Variants in RIMS4 observed in about 807,000 individuals in gnomAD.
RIMS4 encodes regulating synaptic membrane exocytosis protein 4.
In RIMS4, 9 loss-of-function variants were observed where a neutral mutation model predicts 29.0. The observed-to-expected ratio is 0.31, with a 90% CI of 0.19 to 0.54. The LOEUF (loss-of-function observed/expected upper bound fraction) is 0.54, where lower values mean the gene tolerates loss of function less well. RIMS4 is among the 20% of genes least tolerant of loss of function. The pLI, the probability that RIMS4 is intolerant of heterozygous loss-of-function variation, is 0.94. For missense variants in RIMS4, 193 were observed against 365.7 expected (o/e 0.53, Z 3.85); for synonymous variants, 130 against 152.9 (o/e 0.85, Z 1.10).
At position 44,756,559 on chromosome 20, in the gene RIMS4, T is replaced by A. The variant is rs1601015817; in HGVS notation, c.592-207A>T. Among the ~76,000 whole-genome samples the A allele has an allele frequency of 6.6e-6, 1 of 152,148 alleles. No individual in the cohort carries two copies. Among genetic ancestry groups the A allele is most frequent in the South Asian group, 2.1e-4 (1 of 4,828 alleles). On this transcript the variant is annotated intron_variant, in intron 5 of 5. Coordinates refer to ENST00000372851, the MANE Select transcript of RIMS4 (RefSeq NM_182970.4). The surrounding 1 kb of genome is among the most constrained non-coding windows in gnomAD (Gnocchi z 5.9). ...AGGCTGTTGATGGTAATGGTGACGG[T>A]GACGATGGTAATGGGTAGAACACTT...
intron 1 of RIMS4, among the ~76,000 whole-genome samples, chr20:44,776,869 G>C (rs1046465920): frequency 5.9e-5 from 9 of 152,166 alleles, no homozygotes; most frequent in Non-Finnish European, 1.0e-4. Flanking sequence ...AGAAAATGAG[G>C]ATCGAGAAGG....
Position 44,804,915 on chromosome 20 carries a change from T to C in RIMS4, c.97+5260A>G, listed in dbSNP as rs2066292100. Among the ~76,000 whole-genome samples the C allele has an allele frequency of 3.9e-5, 6 of 152,254 alleles. No homozygotes were observed. In the South Asian group the frequency reaches 1.0e-3, roughly 26 times the overall value. The stretch of plus-strand genomic sequence containing the variant: ...AGCACTGATTGCACCACAGCAGACC[T>C]GCAGACCAGTGATCTGTACAATGGG... On this transcript the variant is annotated intron_variant, in intron 1 of 5. Coordinates refer to ENST00000372851, the MANE Select transcript of RIMS4 (RefSeq NM_182970.4).
At chr20:44,781,189 C>T (rs2066182939) in intron 1 of RIMS4, among the ~76,000 whole-genome samples, 1 of 152,148 alleles carries the variant, frequency 6.6e-6, no homozygotes, top group African/African-American at 2.4e-5. Context: ...ATTGCCTATT[C>T]AGGGCCAGAT....
intron 2 of RIMS4, among the ~76,000 whole-genome samples, chr20:44,769,408 T>C (rs910018892): frequency 6.6e-6 from 1 of 152,140 alleles, no homozygotes; most frequent in African/African-American, 2.4e-5. Context: ...GGCTGACAGA[T>C]ATTTACTGGC....
intron 2 of RIMS4, among the ~76,000 whole-genome samples, chr20:44,760,026 A>G (rs976308434): frequency 6.6e-6 from 1 of 152,256 alleles, no homozygotes; most frequent in African/African-American, 2.4e-5. Flanking sequence ...GGTAGAGAGC[A>G]AGAGACTTGG....
intron 2 of RIMS4, among the ~76,000 whole-genome samples, chr20:44,760,110 C>T (rs961749743): frequency 6.6e-6 from 1 of 152,156 alleles, no homozygotes; most frequent in Non-Finnish European, 1.5e-5. Flanking sequence ...TATCCTGCCC[C>T]GAAACAGACA....
chr20:44,796,743 T>C (rs116308339), intron 1 of RIMS4, among the ~76,000 whole-genome samples: 1 of 152,132 alleles, frequency 6.6e-6, no homozygotes, highest in African/African-American at 2.4e-5. Context: ...AAGTGAGGCA[T>C]GGAGGGAGAA....
At chr20:44,805,374 A>G (rs905108462) in intron 1 of RIMS4, among the ~76,000 whole-genome samples, 6 of 152,174 alleles carry the variant, frequency 3.9e-5, no homozygotes, top group Non-Finnish European at 8.8e-5. Context: ...CTCTACTTGA[A>G]CTATGGGAAC....
At position 44,758,126 on chromosome 20, in the gene RIMS4, T is replaced by G. The variant is rs1037270843; in HGVS notation, c.295A>C (p.Ser99Arg). 2 of 1,613,834 alleles carry G rather than the reference T, an allele frequency of 1.2e-6. No individual in the cohort carries two copies. Among genetic ancestry groups the G allele is most frequent in the Admixed American group, 3.3e-5 (2 of 60,000 alleles). ...SDAQFSDFLG[S>R]MGPAQFVGRQ... The stretch of plus-strand genomic sequence containing the variant: ...CCCACAAACTGTGCCGGCCCCATGC[T>G]TCCCAGGAAGTCACTGAACTGGGCG... Residue 99 changes from serine to arginine, a missense_variant, in exon 3 of 6, where the codon AGC (serine) becomes CGC (arginine). Physicochemically the swap from Ser to Arg is moderately radical, Grantham distance 110 (BLOSUM62 -1). Transcript: ENST00000372851.
chr20:44,787,319 T>C lies in RIMS4; in HGVS notation c.98-15906A>G, dbSNP rs2066213164. Among the ~76,000 whole-genome samples the C allele has an allele frequency of 3.3e-5, 5 of 152,004 alleles. No individual in the cohort carries two copies. In the South Asian group the frequency reaches 1.0e-3, roughly 32 times the overall value. ...GAAGAGATGGTGGCGATGATGATAA[T>C]GACAATGACGATGTGATGATAAAAG... On this transcript the variant is annotated intron_variant, in intron 1 of 5. Coordinates refer to ENST00000372851, the MANE Select transcript of RIMS4 (RefSeq NM_182970.4).
chr20:44,808,152 T>TAC (rs2066307338), intron 1 of RIMS4, among the ~76,000 whole-genome samples: 2 of 150,676 alleles, frequency 1.3e-5, no homozygotes, highest in Admixed American at 6.6e-5. Flanking sequence ...CTCACACAAA[T>TAC]ACACACACAC....
chr20:44,781,936 C>T (rs1001073936), intron 1 of RIMS4, among the ~76,000 whole-genome samples: 2 of 152,188 alleles, frequency 1.3e-5, no homozygotes, highest in Non-Finnish European at 2.9e-5. Context: ...TGCCATGATG[C>T]ACATACCAGG....
At chr20:44,788,874 T>A (rs962052137) in intron 1 of RIMS4, among the ~76,000 whole-genome samples, 3 of 152,030 alleles carry the variant, frequency 2.0e-5, no homozygotes, top group African/African-American at 7.3e-5. Context: ...ATGTACTCCA[T>A]CAACTGGAGC....
intron 1 of RIMS4, among the ~76,000 whole-genome samples, chr20:44,800,899 C>T (rs2145478864): frequency 6.6e-6 from 1 of 152,358 alleles, no homozygotes; most frequent in East Asian, 1.9e-4. Context: ...GCGAGGAGGC[C>T]TGACGCCAGC....
At chr20:44,773,088 C>T (rs557045854) in intron 1 of RIMS4, among the ~76,000 whole-genome samples, 1 of 152,360 alleles carries the variant, frequency 6.6e-6, no homozygotes, top group South Asian at 2.1e-4. Flanking sequence ...GCAACACACA[C>T]ACACAGTAAG....
chr20:44,764,267 C>T (rs2066104561), intron 2 of RIMS4, among the ~76,000 whole-genome samples: 1 of 152,164 alleles, frequency 6.6e-6, no homozygotes, highest in African/African-American at 2.4e-5. Context: ...CCCACAAACT[C>T]ACCAAGCCTA....
chr20:44,773,863 G>A (rs1050627579), intron 1 of RIMS4, among the ~76,000 whole-genome samples: 11 of 152,142 alleles, frequency 7.2e-5, no homozygotes, highest in African/African-American at 2.4e-4. Context: ...ATCTTCCCAC[G>A]GAGCTGTTGA....
At chr20:44,780,331 C>T (rs2066178621) in intron 1 of RIMS4, among the ~76,000 whole-genome samples, 1 of 152,226 alleles carries the variant, frequency 6.6e-6, no homozygotes, top group Non-Finnish European at 1.5e-5. Flanking sequence ...CAGCAAAGAA[C>T]TGGCGTGTGC....
chr20:44,808,912 T>G (rs2066310627), intron 1 of RIMS4, among the ~76,000 whole-genome samples: 1 of 152,230 alleles, frequency 6.6e-6, no homozygotes, highest in South Asian at 2.1e-4. Flanking sequence ...ATGGTGCATA[T>G]ATGCACTTCG....
Sources: gnomAD v4.1 joint callset for allele counts (sites outside exome capture counted in the v4.1 genomes callset) on GRCh38, gnomAD v4.1.1 for gene constraint, Gnocchi (gnomAD v3.1) non-coding constraint, MANE v1.5 for transcripts, NCBI Gene and HGNC (gene_info 2026-07-23, HGNC 2026-07-21) for gene names.